SLC10A7: variants seen among roughly 807,000 people sequenced by gnomAD.
SLC10A7 encodes solute carrier family 10 member 7.
SLC10A7 carries 29 observed loss-of-function variants against 43.2 expected under a neutral mutation model. The ratio of observed to expected loss-of-function variants is 0.67; its 90% CI spans 0.50 to 0.92. SLC10A7 has a LOEUF of 0.92. SLC10A7 is among the 40% of genes least tolerant of loss of function. The pLI is 0.00. For synonymous variants in SLC10A7, 152 were observed against 144.8 expected (o/e 1.05, Z -0.35); for missense variants, 295 against 403.2 (o/e 0.73, Z 2.30).
chr4:146,452,172 C>A (rs1026263960), intron 4 of SLC10A7, among the ~76,000 whole-genome samples: 2 of 152,036 alleles, frequency 1.3e-5, no homozygotes, highest in African/African-American at 2.4e-5. Context: ...CACATTAAAT[C>A]TTATTTAGTA....
At chr4:146,370,525 C>T (rs1275757377) in intron 5 of SLC10A7, among the ~76,000 whole-genome samples, 4 of 152,108 alleles carry the variant, frequency 2.6e-5, no homozygotes, top group Non-Finnish European at 5.9e-5. Flanking sequence ...TAAAGGGAGT[C>T]CCCTGAGCAG....
intron 5 of SLC10A7, among the ~76,000 whole-genome samples, chr4:146,432,389 T>C (rs1176499198): frequency 6.6e-6 from 1 of 152,170 alleles, no homozygotes; most frequent in Non-Finnish European, 1.5e-5. Context: ...AACTGGTAAA[T>C]TTATTAAAAA....
chr4:146,475,041 G>A (rs1013637709), intron 4 of SLC10A7, among the ~76,000 whole-genome samples: 1 of 152,148 alleles, frequency 6.6e-6, no homozygotes, highest in Non-Finnish European at 1.5e-5. Context: ...TGGTGGTATA[G>A]CTATGGCTTC....
chr4:146,372,000 G>T (rs1246388099), intron 5 of SLC10A7, among the ~76,000 whole-genome samples: 1 of 152,128 alleles, frequency 6.6e-6, no homozygotes, highest in Non-Finnish European at 1.5e-5. Flanking sequence ...TCAAATGGGT[G>T]AATGGGTTAC....
intron 6 of SLC10A7, among the ~76,000 whole-genome samples, chr4:146,317,888 A>C (rs1372187604): frequency 6.6e-6 from 1 of 151,858 alleles, no homozygotes; most frequent in Non-Finnish European, 1.5e-5. Flanking sequence ...ACTGAATTAC[A>C]TCATTGCCTT....
chr4:146,488,998 A>G (rs1735154070), intron 4 of SLC10A7, among the ~76,000 whole-genome samples: 1 of 152,206 alleles, frequency 6.6e-6, no homozygotes, highest in Non-Finnish European at 1.5e-5. Context: ...TACAACTGTG[A>G]ATAAGAAGCA....
chr4:146,441,625 A>T, intron 5 of SLC10A7: 1 of 870,456 alleles, frequency 1.1e-6, no homozygotes, highest in Non-Finnish European at 1.4e-6. Flanking sequence ...ATAATGACTT[A>T]AAATATTACT....
intron 4 of SLC10A7, among the ~76,000 whole-genome samples, chr4:146,445,866 G>GCTTCTCT (rs374059152): frequency 3.8e-4 from 57 of 149,800 alleles, no homozygotes; most frequent in African/African-American, 1.4e-3. Flanking sequence ...TTGTTCAAAC[G>GCTTCTCT]CTTCTCTCTT....
At chr4:146,342,181 G>A (rs907617563) in intron 5 of SLC10A7, among the ~76,000 whole-genome samples, 3 of 151,604 alleles carry the variant, frequency 2.0e-5, no homozygotes, top group African/African-American at 4.8e-5. Flanking sequence ...ATTTCCTGGA[G>A]CTCTTTCCAT....
At chr4:146,373,335 C>A (rs1394383534) in intron 5 of SLC10A7, among the ~76,000 whole-genome samples, 2 of 151,808 alleles carry the variant, frequency 1.3e-5, no homozygotes, top group Non-Finnish European at 2.9e-5. Context: ...TTAGCCAGGC[C>A]TGGTGAAACA....
chr4:146,442,226 C>CT (rs1449511487), intron 5 of SLC10A7: 1 of 924,116 alleles, frequency 1.1e-6, no homozygotes, highest in African/African-American at 2.2e-5. Context: ...AGCTGAACTA[C>CT]TTTTGAATCT....
chr4:146,259,792 T>C (rs1436968197), intron 10 of SLC10A7, among the ~76,000 whole-genome samples: 2 of 152,248 alleles, frequency 1.3e-5, no homozygotes. Flanking sequence ...CTAACTATTA[T>C]TACTAATTGT....
intron 6 of SLC10A7, among the ~76,000 whole-genome samples, chr4:146,325,459 A>G (rs1304271736): frequency 6.6e-6 from 1 of 152,184 alleles, no homozygotes; most frequent in Non-Finnish European, 1.5e-5. Flanking sequence ...ACCTTTCATT[A>G]TCTCTGGGCG....
At chr4:146,381,323 G>T (rs1737605466) in intron 5 of SLC10A7, among the ~76,000 whole-genome samples, 2 of 152,108 alleles carry the variant, frequency 1.3e-5, no homozygotes, top group South Asian at 4.1e-4. Flanking sequence ...GGAGCTATGT[G>T]AACTTTTGTA....
At chr4:146,467,705 G>C (rs1228112554) in intron 4 of SLC10A7, among the ~76,000 whole-genome samples, 1 of 151,786 alleles carries the variant, frequency 6.6e-6, no homozygotes, top group Non-Finnish European at 1.5e-5. Context: ...TGGGAGTACA[G>C]GCATGTACCA....
intron 5 of SLC10A7, among the ~76,000 whole-genome samples, chr4:146,370,671 C>G (rs554700348): frequency 1.3e-5 from 2 of 152,120 alleles, no homozygotes; most frequent in African/African-American, 4.8e-5. Flanking sequence ...TCCCCCACAG[C>G]GCTCAGAGGT....
rs569323952 is a variant in SLC10A7 at position 146,382,493 on chromosome 4, T to C, written c.436-56497A>G. Among the ~76,000 whole-genome samples the C allele has an allele frequency of 2.0e-5, 3 of 152,272 alleles. No homozygotes were observed. In the South Asian group the frequency reaches 6.2e-4, roughly 32 times the overall value. On this transcript the variant is annotated intron_variant, in intron 5 of 11. Transcript: ENST00000335472. ...AATAACGAGTAGTGCTGACACATAG[T>C]TGGCACTCAATGAGTGAATTTACTG...
intron 3 of SLC10A7, among the ~76,000 whole-genome samples, chr4:146,508,126 T>A (rs1737096683): frequency 6.6e-6 from 1 of 152,222 alleles, no homozygotes; most frequent in East Asian, 1.9e-4. Context: ...ATATTTTATC[T>A]TTGTATCTCA....
At chr4:146,328,365 G>A (rs1015512980) in intron 5 of SLC10A7, among the ~76,000 whole-genome samples, 1 of 152,150 alleles carries the variant, frequency 6.6e-6, no homozygotes, top group African/African-American at 2.4e-5. Context: ...GGCCTGAGGA[G>A]AGACCTCTCT....
Sources: gnomAD v4.1 joint callset for allele counts (sites outside exome capture counted in the v4.1 genomes callset) on GRCh38, gnomAD v4.1.1 for gene constraint, MANE v1.5 for transcripts, NCBI Gene and HGNC (gene_info 2026-07-23, HGNC 2026-07-21) for gene names.